RABGEF1: variants seen among roughly 807,000 people sequenced by gnomAD.
The protein encoded by RABGEF1 is rab5 GDP/GTP exchange factor.
RABGEF1 carries 26 observed loss-of-function variants against 57.3 expected under a neutral mutation model. The observed-to-expected ratio is 0.45, with a 90% CI of 0.33 to 0.63. RABGEF1 has a LOEUF of 0.63. Among genes scored for constraint, RABGEF1 ranks in the 20% least tolerant of loss-of-function variants. RABGEF1 has a pLI of 0.02. For synonymous variants in RABGEF1, 185 were observed against 210.7 expected (o/e 0.88, Z 1.06); for missense variants, 464 against 607.6 (o/e 0.76, Z 2.48).
intron 8 of RABGEF1, among the ~76,000 whole-genome samples, chr7:66,808,332 C>T (rs12533958): frequency 0.037 from 5,560 of 152,084 alleles, 160 homozygotes; most frequent in East Asian, 0.085. Context: ...TCTCCTGCCT[C>T]AGTCTCCCAG....
At chr7:66,791,100 G>A (rs1812549965) in intron 4 of RABGEF1, among the ~76,000 whole-genome samples, 2 of 152,232 alleles carry the variant, frequency 1.3e-5, no homozygotes, top group African/African-American at 4.8e-5. Context: ...ATAATTTCAT[G>A]ATGACCTTTA....
At chr7:66,753,132 T>A (rs1470472211) in intron 1 of RABGEF1, among the ~76,000 whole-genome samples, 1 of 152,204 alleles carries the variant, frequency 6.6e-6, no homozygotes, top group Non-Finnish European at 1.5e-5. Context: ...GAGTCAGATG[T>A]CCCTTGATCC....
At chr7:66,768,320 A>G (rs1389453242) in intron 1 of RABGEF1, among the ~76,000 whole-genome samples, 14 of 152,212 alleles carry the variant, frequency 9.2e-5, no homozygotes, top group Non-Finnish European at 2.1e-4. Flanking sequence ...AATGTGGGAC[A>G]CCAGTGTATA....
rs146157668 is a variant in RABGEF1 at position 66,705,280 on chromosome 7, T to C, written c.-872-6887T>C. On this transcript the variant is annotated intron_variant and NMD_transcript_variant, in intron 1 of 9. Coordinates refer to the RABGEF1 transcript ENST00000607882. Reference sequence around the variant, plus strand: ...AGCTGGGTGTGGCAGTGCATGCCTGTCCCAAAAATGAACATTTTAGCTCTC... The same window carrying C: ...AGCTGGGTGTGGCAGTGCATGCCTGCCCCAAAAATGAACATTTTAGCTCTC... 1.9e-3 allele frequency among the ~76,000 whole-genome samples: 283 copies of C among 152,034 alleles called. 1 individual carries two copies. The highest frequency in any genetic ancestry group is 6.5e-3 in the African/African-American group (270 of 41,458).
intron 1 of RABGEF1, among the ~76,000 whole-genome samples, chr7:66,747,819 C>T (rs78172121): frequency 0.1 from 15,794 of 152,094 alleles, 899 homozygotes; most frequent in Non-Finnish European, 0.11. Context: ...TTCAGTGGAA[C>T]ATATCATTTA....
At chr7:66,687,523 A>G (rs748352546) in intron 1 of RABGEF1, among the ~76,000 whole-genome samples, 28 of 151,542 alleles carry the variant, frequency 1.8e-4, no homozygotes, top group Admixed American at 3.9e-4. Context: ...AAAGAAGAAG[A>G]AGAATATAGG....
At chr7:66,728,272 T>TG (rs557786590) in intron 2 of RABGEF1, among the ~76,000 whole-genome samples, 120 of 152,178 alleles carry the variant, frequency 7.9e-4, no homozygotes, top group Admixed American at 5.4e-3. Flanking sequence ...TAGCTAAGCT[T>TG]GGGGGGGCCA....
chr7:66,659,023 C>T, the RABGEF1 span, among the ~76,000 whole-genome samples: 1 of 152,160 alleles, frequency 6.6e-6, no homozygotes, highest in Admixed American at 6.5e-5. Context: ...GCATGAGCCA[C>T]CCGGTGCCCG....
At chr7:66,801,728 T>C (rs1373691703) in intron 7 of RABGEF1, among the ~76,000 whole-genome samples, 1 of 152,224 alleles carries the variant, frequency 6.6e-6, no homozygotes, top group Admixed American at 6.5e-5. Context: ...TTCTGAATAG[T>C]ACTCCACTGT....
chr7:66,752,102 G>A (rs1285277897), intron 1 of RABGEF1, among the ~76,000 whole-genome samples: 1 of 152,118 alleles, frequency 6.6e-6, no homozygotes, highest in African/African-American at 2.4e-5. Context: ...AGGAGGCTGA[G>A]GCTCAAGATT....
intron 1 of RABGEF1, among the ~76,000 whole-genome samples, chr7:66,693,288 G>C (rs1370802691): frequency 1.3e-5 from 2 of 152,164 alleles, no homozygotes; most frequent in Admixed American, 1.3e-4. Flanking sequence ...CCACCCCCCA[G>C]GGCACCATCA....
chr7:66,753,700 CGTTTTTT>C (rs1801978778), intron 1 of RABGEF1, among the ~76,000 whole-genome samples: 1 of 78,510 alleles, frequency 1.3e-5, no homozygotes, highest in Non-Finnish European at 2.8e-5. Flanking sequence ...ATTTTGCCAT[CGTTTTTT>C]TTTTTTTTTT....
chr7:66,706,999 A>T (rs1794199482), intron 1 of RABGEF1, among the ~76,000 whole-genome samples: 1 of 149,280 alleles, frequency 6.7e-6, no homozygotes, highest in Non-Finnish European at 1.5e-5. Flanking sequence ...GTTAGCCAGG[A>T]TGGTCTCGAT....
chr7:66,730,009 C>A (rs191083987), intron 2 of RABGEF1, among the ~76,000 whole-genome samples: 1 of 152,380 alleles, frequency 6.6e-6, no homozygotes, highest in African/African-American at 2.4e-5. Flanking sequence ...CAGGAAATTC[C>A]AGTAGGAGGG....
chr7:66,720,209 T>C (rs1317880726), intron 2 of RABGEF1, among the ~76,000 whole-genome samples: 5 of 140,408 alleles, frequency 3.6e-5, no homozygotes, highest in Non-Finnish European at 6.3e-5. Context: ...TTTTTTTTTT[T>C]CTTTGAGAGG....
chr7:66,688,361 A>G (rs1327856729), intron 1 of RABGEF1, among the ~76,000 whole-genome samples: 2 of 152,232 alleles, frequency 1.3e-5, no homozygotes, highest in Admixed American at 6.5e-5. Context: ...TAACAATCAG[A>G]GACCAGATCA....
intron 5 of RABGEF1, among the ~76,000 whole-genome samples, chr7:66,797,139 A>G (rs1403978030): frequency 2.0e-5 from 3 of 151,428 alleles, no homozygotes; most frequent in Non-Finnish European, 4.4e-5. Flanking sequence ...ATCTCCACAG[A>G]AAAAACCTAC....
chr7:66,771,892 GGAA>G lies in RABGEF1; in HGVS notation c.-2_1del. The G allele has an allele frequency of 2.7e-6, 4 of 1,494,336 alleles. No individual in the cohort carries two copies. Among genetic ancestry groups the G allele is most frequent in the Non-Finnish European group, 3.6e-6 (4 of 1,115,850 alleles). 92.6% of individuals were successfully genotyped at this position (1,494,336 alleles called of 1,614,324 possible). On this transcript the variant is annotated 5_prime_UTR_variant, in exon 2 of 9. Coordinates refer to ENST00000284957, the MANE Select transcript of RABGEF1 (RefSeq NM_014504.3). ...TTTCTTGTTTGTTCAGTGGTTAGCA[GGAA>G]GAAGATGAGCCTTAAGTCTGAACGC...
intron 7 of RABGEF1, among the ~76,000 whole-genome samples, chr7:66,800,522 GT>G (rs1003979399): frequency 1.3e-5 from 2 of 151,276 alleles, no homozygotes; most frequent in East Asian, 3.9e-4. Context: ...CAATACTATT[GT>G]TTTTTTTTCT....
Sources: allele counts gnomAD v4.1 joint callset (sites outside exome capture counted in the v4.1 genomes callset), GRCh38; gene constraint gnomAD v4.1.1; transcripts MANE v1.5; gene names NCBI Gene and HGNC (gene_info 2026-07-23, HGNC 2026-07-21).